The following CD99L2 variants were observed in gnomAD, a reference collection of about 807,000 sequenced individuals.
CD99L2 encodes the protein CD99 antigen-like protein 2.
A neutral mutation model predicts 27.3 loss-of-function variants in CD99L2; 24 were observed. The observed-to-expected ratio is 0.88, with a 90% CI of 0.64 to 1.24. CD99L2 has a LOEUF of 1.24. Among genes scored for constraint, CD99L2 ranks in the 50% most tolerant of loss-of-function variants. CD99L2 has a pLI of 0.00. For synonymous variants in CD99L2, 97 were observed against 87.9 expected (o/e 1.10, Z -0.58); for missense variants, 255 against 221.6 (o/e 1.15, Z -0.96).
rs181203010 is a variant in CD99L2, at chrX:150,776,368, T to C, written c.536-75A>G. ...CACCGCAGGGAGCAGCCTGGGAGCC[T>C]GCTTCTCCTCTAGCACCAAACTACT... On this transcript the variant is annotated intron_variant, in intron 8 of 10. Coordinates refer to ENST00000370377, the MANE Select transcript of CD99L2 (RefSeq NM_031462.4). 9.1e-4 allele frequency: 988 copies of C among 1,086,941 alleles called. 2 individuals are homozygous for C. The East Asian group carries it at 0.01, about 11-fold the overall frequency. 89.6% of individuals were successfully genotyped at this position (1,086,941 alleles called of 1,213,427 possible).
chrX:150,843,671 A>G (rs781953455), intron 1 of CD99L2, among the ~76,000 whole-genome samples: 24 of 109,300 alleles, frequency 2.2e-4, no homozygotes, highest in Non-Finnish European at 4.0e-4. Flanking sequence ...TAATAATAAT[A>G]AAATAAATAA....
rs782692317 is a variant in CD99L2, at chrX:150,803,084, CAG to C, written c.278-7600_278-7599del. Among the ~76,000 whole-genome samples the C allele has an allele frequency of 3.8e-5, 4 of 106,327 alleles. No individual in the cohort carries two copies. The East Asian group carries it at 1.2e-3, about 32-fold the overall frequency. The allele number at this position is 106,327 out of a possible 115,157, so 92.3% of individuals were successfully genotyped here. The stretch of plus-strand genomic sequence containing the variant: ...CTAATTTTTGTATTTTTATTAAAGA[CAG>C]AGTTTCACCATGTTGGTCAGGCTGG... On this transcript the variant is annotated intron_variant, in intron 4 of 10. Coordinates refer to ENST00000370377, the MANE Select transcript of CD99L2 (RefSeq NM_031462.4).
intron 1 of CD99L2, among the ~76,000 whole-genome samples, chrX:150,874,261 G>A (rs990867286): frequency 5.3e-5 from 6 of 112,298 alleles, no homozygotes; most frequent in Non-Finnish European, 1.1e-4. Flanking sequence ...TCAGAGACGT[G>A]AGCAGCCATT....
intron 2 of CD99L2, among the ~76,000 whole-genome samples, chrX:150,827,678 A>C (rs1428753553): frequency 8.9e-6 from 1 of 111,768 alleles, no homozygotes; most frequent in Non-Finnish European, 1.9e-5. Context: ...GGACACCTGC[A>C]TGCAGAGGAC....
At chrX:150,855,834 T>C (rs1305941198) in intron 1 of CD99L2, among the ~76,000 whole-genome samples, 2 of 111,710 alleles carry the variant, frequency 1.8e-5, no homozygotes, top group South Asian at 3.8e-4. Context: ...ATCAGAGGGA[T>C]TGTGCCCTGC....
At chrX:150,811,428 CAAAAG>C (rs1188772584) in intron 4 of CD99L2, among the ~76,000 whole-genome samples, 46 of 111,380 alleles carry the variant, frequency 4.1e-4, no homozygotes, top group African/African-American at 1.5e-3. Flanking sequence ...AAAACTTCCC[CAAAAG>C]AAAAGCCCAG....
At chrX:150,791,750 G>C (rs1157400878) in intron 7 of CD99L2, among the ~76,000 whole-genome samples, 1 of 110,982 alleles carries the variant, frequency 9.0e-6, no homozygotes, top group African/African-American at 3.3e-5. Context: ...CGGAGGAGGA[G>C]GGCTTATAGG....
chrX:150,804,679 T>C (rs1205132371), intron 4 of CD99L2, among the ~76,000 whole-genome samples: 3 of 111,384 alleles, frequency 2.7e-5, no homozygotes, highest in Non-Finnish European at 5.7e-5. Flanking sequence ...TCAACAAAAT[T>C]GACAAACCTT....
Position 150,898,599 on chromosome X carries a change from A to T in CD99L2, c.-11T>A. ...GCGCCAGGCCACCATGGCTGGGAGC[A>T]GGCGGAGGGCCCCGGAGGAGCACAG... On this transcript the variant is annotated 5_prime_UTR_variant, in exon 1 of 11. Transcript: ENST00000370377. 1 of 1,100,514 alleles carries T rather than the reference A, an allele frequency of 9.1e-7. No homozygotes were observed. Among genetic ancestry groups the T allele is most frequent in the Non-Finnish European group, 1.2e-6 (1 of 843,953 alleles). The allele number at this position is 1,100,514 out of a possible 1,213,427, so 90.7% of individuals were successfully genotyped here.
At chrX:150,818,051 C>CATAATAATTTTAAATAAAAAAAAAAAA (rs1557420581) in intron 2 of CD99L2, among the ~76,000 whole-genome samples, 55 of 93,327 alleles carry the variant, frequency 5.9e-4, no homozygotes, top group African/African-American at 2.5e-3. Flanking sequence ...AAGAGGAAGA[C>CATAATAATTTTAAATAAAAAAAAAAAA]ATAATAATTT....
At chrX:150,876,433 T>C (rs2047230488) in intron 1 of CD99L2, among the ~76,000 whole-genome samples, 1 of 112,358 alleles carries the variant, frequency 8.9e-6, no homozygotes, top group Non-Finnish European at 1.9e-5. Context: ...AAATTAGGAA[T>C]GAGAAAATAG....
chrX:150,876,789 T>C (rs970463343), intron 1 of CD99L2, among the ~76,000 whole-genome samples: 1 of 112,238 alleles, frequency 8.9e-6, no homozygotes, highest in Admixed American at 9.4e-5. Context: ...GTCTTTGAAT[T>C]ACCTCTTTAA....
chrX:150,813,935 G>A (rs1192800730), intron 4 of CD99L2, among the ~76,000 whole-genome samples: 1 of 112,295 alleles, frequency 8.9e-6, no homozygotes, highest in Non-Finnish European at 1.9e-5. Flanking sequence ...TGTTGCCAAT[G>A]ATAAGATTTC....
chrX:150,806,402 T>C (rs1557420236), intron 4 of CD99L2, among the ~76,000 whole-genome samples: 2 of 111,587 alleles, frequency 1.8e-5, no homozygotes, highest in Non-Finnish European at 1.9e-5. Flanking sequence ...ACTACAGGCA[T>C]GCACCACTAC....
At chrX:150,803,819 G>C (rs782258049) in intron 4 of CD99L2, among the ~76,000 whole-genome samples, 1 of 111,556 alleles carries the variant, frequency 9.0e-6, no homozygotes, top group African/African-American at 3.3e-5. Flanking sequence ...AACTTCAAAA[G>C]AAAACATAAA....
At chrX:150,824,724 A>AGG (rs1557420884) in intron 2 of CD99L2, among the ~76,000 whole-genome samples, 3 of 111,181 alleles carry the variant, frequency 2.7e-5, no homozygotes, top group African/African-American at 9.8e-5. Context: ...GAAGAAGAAG[A>AGG]AGAAGAAACC....
intron 1 of CD99L2, among the ~76,000 whole-genome samples, chrX:150,858,286 CA>C (rs1438643057): frequency 1.8e-5 from 2 of 112,184 alleles, no homozygotes; most frequent in African/African-American, 6.5e-5. Flanking sequence ...TTCAACACTC[CA>C]CTCTCAGTGT....
intron 9 of CD99L2, 36 bp downstream of exon 9, chrX:150,776,138 G>C: frequency 8.3e-7 from 1 of 1,203,966 alleles, no homozygotes; most frequent in Non-Finnish European, 1.1e-6. Context: ...GACCTTGCCA[G>C]CTGGTTCCTA....
chrX:150,870,764 C>A (rs1383629632), intron 1 of CD99L2, among the ~76,000 whole-genome samples: 1 of 110,992 alleles, frequency 9.0e-6, no homozygotes, highest in Non-Finnish European at 1.9e-5. Context: ...GCACTGCACC[C>A]CCCCATCCTA....
Sources: allele counts gnomAD v4.1 joint callset (sites outside exome capture counted in the v4.1 genomes callset), GRCh38; gene constraint gnomAD v4.1.1; transcripts MANE v1.5; gene names NCBI Gene and HGNC (gene_info 2026-07-23, HGNC 2026-07-21).